The following ZMIZ1 variants were observed in gnomAD, a reference collection of about 807,000 sequenced individuals.
ZMIZ1 encodes zinc finger MIZ-type containing 1.
A neutral mutation model predicts 113.9 loss-of-function variants in ZMIZ1; 17 were observed. The observed-to-expected ratio is 0.15, with a 90% CI of 0.10 to 0.22. ZMIZ1 has a LOEUF of 0.22. Among genes scored for constraint, ZMIZ1 ranks in the 10% least tolerant of loss-of-function variants. The pLI, the probability that ZMIZ1 is intolerant of heterozygous loss-of-function variation, is 1.00. For missense variants in ZMIZ1, 1,059 were observed against 1,477.8 expected (o/e 0.72, Z 4.65); for synonymous variants, 607 against 603.1 (o/e 1.01, Z -0.09).
chr10:79,139,403 A>G (rs1845163552), intron 2 of ZMIZ1, among the ~76,000 whole-genome samples: 1 of 152,168 alleles, frequency 6.6e-6, no homozygotes, highest in Non-Finnish European at 1.5e-5. Flanking sequence ...TTTTCCTACT[A>G]AGAAGAGAAA....
In ZMIZ1 at chr10:79,078,588, T is replaced by TTG. The variant is rs1398629855; in HGVS notation, c.-337+9319_-337+9320insGT. Among the ~76,000 whole-genome samples, 261 of 148,418 alleles carry TTG rather than the reference T, an allele frequency of 1.8e-3. 2 individuals carry two copies. The highest frequency in any genetic ancestry group is 5.8e-3 in the African/African-American group (232 of 40,058). Reference sequence around the variant, plus strand: ...CCCCCGACTTTTTTTTTTTTTTTTTTTTTTGGAGTGCAGTGGTGCAATCTC... The same window carrying TTG: ...CCCCCGACTTTTTTTTTTTTTTTTTTTGTTTTGGAGTGCAGTGGTGCAATCTC... On this transcript the variant is annotated intron_variant, in intron 1 of 24. Coordinates refer to ENST00000334512, the MANE Select transcript of ZMIZ1 (RefSeq NM_020338.4).
chr10:79,226,820 A>G (rs1849218793), intron 7 of ZMIZ1, among the ~76,000 whole-genome samples: 1 of 152,234 alleles, frequency 6.6e-6, no homozygotes, highest in African/African-American at 2.4e-5. Flanking sequence ...GGTTATCATC[A>G]GTTTTGCCTC....
chr10:79,120,803 G>A (rs891629877), intron 2 of ZMIZ1, among the ~76,000 whole-genome samples: 2 of 152,190 alleles, frequency 1.3e-5, no homozygotes, highest in South Asian at 2.1e-4. Context: ...CTCATCCCCT[G>A]GGGCCTGGGT....
chr10:79,230,577 G>T (rs1005114351), intron 7 of ZMIZ1, among the ~76,000 whole-genome samples: 1 of 152,224 alleles, frequency 6.6e-6, no homozygotes, highest in African/African-American at 2.4e-5. Flanking sequence ...GCCCGCCTGT[G>T]TGCAGGGTCC....
At chr10:79,133,147 T>A (rs1411632864) in intron 2 of ZMIZ1, among the ~76,000 whole-genome samples, 1 of 152,138 alleles carries the variant, frequency 6.6e-6, no homozygotes, top group Non-Finnish European at 1.5e-5. Context: ...CCTAGTACAC[T>A]CTTTTCCTGC....
intron 2 of ZMIZ1, among the ~76,000 whole-genome samples, chr10:79,123,039 G>A (rs569380393): frequency 4.6e-5 from 7 of 152,228 alleles, no homozygotes; most frequent in African/African-American, 1.2e-4. Context: ...CCCAGTTCAC[G>A]TGGCTCGGCG....
At chr10:79,256,717 TC>T (rs1413035894) in intron 7 of ZMIZ1, among the ~76,000 whole-genome samples, 10 of 152,170 alleles carry the variant, frequency 6.6e-5, no homozygotes, top group African/African-American at 2.2e-4. Context: ...GGAGGTGATT[TC>T]TCTCCAGGGT....
intron 2 of ZMIZ1, among the ~76,000 whole-genome samples, chr10:79,123,709 G>A (rs181263417): frequency 5.3e-5 from 8 of 152,322 alleles, no homozygotes; most frequent in Non-Finnish European, 7.4e-5. Context: ...CACTCTCCTC[G>A]CCAGCCCCTC....
chr10:79,070,640 TC>T (rs1842239469), intron 1 of ZMIZ1, among the ~76,000 whole-genome samples: 1 of 149,492 alleles, frequency 6.7e-6, no homozygotes, highest in African/African-American at 2.5e-5. Flanking sequence ...CCTTCCCACC[TC>T]GTCCCTCCAG....
chr10:79,191,131 G>C (rs1284046848), intron 4 of ZMIZ1, among the ~76,000 whole-genome samples: 2 of 152,128 alleles, frequency 1.3e-5, no homozygotes, highest in Admixed American at 6.5e-5. Context: ...TTGCATACCA[G>C]AGCATTACCA....
At chr10:79,291,614 C>T (rs1257565867) in intron 10 of ZMIZ1, among the ~76,000 whole-genome samples, 3 of 152,302 alleles carry the variant, frequency 2.0e-5, no homozygotes, top group South Asian at 4.1e-4. Context: ...GCAGAGACTG[C>T]GAGTCCCTTG....
At chr10:79,197,142 C>T (rs1405909871) in intron 4 of ZMIZ1, among the ~76,000 whole-genome samples, 1 of 152,256 alleles carries the variant, frequency 6.6e-6, no homozygotes, top group Non-Finnish European at 1.5e-5. Flanking sequence ...CTTTGTACTT[C>T]TCTTCTGTCT....
chr10:79,186,628 A>C (rs1019785681), intron 4 of ZMIZ1, among the ~76,000 whole-genome samples: 1 of 152,278 alleles, frequency 6.6e-6, no homozygotes, highest in African/African-American at 2.4e-5. Flanking sequence ...ACTTAAGCTA[A>C]AACACTGCTT....
At chr10:79,089,379 G>A (rs748647765) in intron 1 of ZMIZ1, among the ~76,000 whole-genome samples, 14 of 152,220 alleles carry the variant, frequency 9.2e-5, no homozygotes, top group South Asian at 2.1e-4. Flanking sequence ...CCATCCATCC[G>A]GCTCACTTTC....
intron 1 of ZMIZ1, among the ~76,000 whole-genome samples, chr10:79,070,064 C>T (rs924688233): frequency 5.3e-5 from 8 of 151,512 alleles, no homozygotes; most frequent in Non-Finnish European, 1.2e-4. Flanking sequence ...CTTTCTTCCT[C>T]TCCGTCTCCG....
At chr10:79,166,393 C>T (rs1846349484) in intron 4 of ZMIZ1, among the ~76,000 whole-genome samples, 1 of 152,372 alleles carries the variant, frequency 6.6e-6, no homozygotes, top group South Asian at 2.1e-4. Flanking sequence ...GGGTCTGAGA[C>T]AACCCCACAT....
chr10:79,098,515 A>G (rs1228311136), intron 1 of ZMIZ1, among the ~76,000 whole-genome samples: 1 of 152,206 alleles, frequency 6.6e-6, no homozygotes, highest in Non-Finnish European at 1.5e-5. Context: ...GCATAAATGA[A>G]TTAATACTTG....
At chr10:79,244,454 A>G (rs1023359446) in intron 7 of ZMIZ1, among the ~76,000 whole-genome samples, 3 of 152,214 alleles carry the variant, frequency 2.0e-5, no homozygotes, top group Non-Finnish European at 4.4e-5. Flanking sequence ...AAGCCAAGCC[A>G]TGGTGCGGTG....
chr10:79,157,888 T>A lies in ZMIZ1; in HGVS notation c.-130-4165T>A, dbSNP rs1845966381. 2.0e-5 allele frequency among the ~76,000 whole-genome samples: 3 copies of A among 152,226 alleles called. No individual in the cohort carries two copies. The South Asian group carries it at 6.2e-4, about 32-fold the overall frequency. Reference sequence around the variant, plus strand: ...CGGTGGGGTTCTCCAAGTTGGGGAATCCCCTGTCACCCCAAGAGTCTGCCT... The same window carrying A: ...CGGTGGGGTTCTCCAAGTTGGGGAAACCCCTGTCACCCCAAGAGTCTGCCT... On this transcript the variant is annotated intron_variant, in intron 3 of 24. Coordinates refer to ENST00000334512, the MANE Select transcript of ZMIZ1 (RefSeq NM_020338.4).
Sources: allele counts gnomAD v4.1 joint callset (sites outside exome capture counted in the v4.1 genomes callset), GRCh38; gene constraint gnomAD v4.1.1; transcripts MANE v1.5; gene names NCBI Gene and HGNC (gene_info 2026-07-23, HGNC 2026-07-21).